The following SHPRH variants were observed in gnomAD, a reference collection of about 807,000 sequenced individuals.
SHPRH encodes E3 ubiquitin-protein ligase SHPRH.
In SHPRH, 106 loss-of-function variants were observed where a neutral mutation model predicts 202.5. The observed-to-expected ratio is 0.52, with a 90% CI of 0.45 to 0.62. The LOEUF is 0.62. SHPRH is among the 20% of genes least tolerant of loss of function. The pLI, the probability that SHPRH is intolerant of heterozygous loss-of-function variation, is 0.00. For synonymous variants in SHPRH, 729 were observed against 686.0 expected (o/e 1.06, Z -0.98); for missense variants, 1,710 against 2,020.0 (o/e 0.85, Z 2.94).
intron 27 of SHPRH, among the ~76,000 whole-genome samples, chr6:145,893,614 A>G (rs1781757112): frequency 6.6e-6 from 1 of 152,188 alleles, no homozygotes; most frequent in Admixed American, 6.6e-5. Context: ...TCTTCGTAAT[A>G]TCTAGAGGAA....
At chr6:145,920,269 T>C (rs1784329584) in intron 21 of SHPRH, among the ~76,000 whole-genome samples, 1 of 152,064 alleles carries the variant, frequency 6.6e-6, no homozygotes, top group East Asian at 1.9e-4. Context: ...GTAAGCTCTC[T>C]TCTGGACAAA....
At chr6:145,940,219 T>G (rs1224723814) in intron 11 of SHPRH, among the ~76,000 whole-genome samples, 2 of 152,088 alleles carry the variant, frequency 1.3e-5, no homozygotes, top group Non-Finnish European at 2.9e-5. Context: ...ATACATATAG[T>G]GTGACATTAT....
At chr6:145,944,752 C>T (rs1274077969) in intron 8 of SHPRH, among the ~76,000 whole-genome samples, 1 of 151,906 alleles carries the variant, frequency 6.6e-6, no homozygotes, top group East Asian at 1.9e-4. Context: ...TAACTATTTT[C>T]CTAAAAGCAA....
rs143107862 is a variant in SHPRH at position 145,925,048 on chromosome 6, A to T, written c.3295-202T>A. ...GAAGTTAACAAAATTTACTTGTCCA[A>T]GTAACAAAATTTCAGAAACACCGAA... On this transcript the variant is annotated intron_variant, in intron 16 of 29. Coordinates refer to ENST00000275233, the MANE Select transcript of SHPRH (RefSeq NM_001042683.3). Among the ~76,000 whole-genome samples, 344 of 152,028 alleles carry T rather than the reference A, an allele frequency of 2.3e-3. 3 individuals carry two copies. The highest frequency in any genetic ancestry group is 7.8e-3 in the African/African-American group (322 of 41,518).
At chr6:145,915,266 G>A (rs911979434) in intron 23 of SHPRH, among the ~76,000 whole-genome samples, 1 of 150,300 alleles carries the variant, frequency 6.7e-6, no homozygotes, top group Non-Finnish European at 1.5e-5. Context: ...TCTTTCCTTT[G>A]TGCTACTGAC....
intron 6 of SHPRH, among the ~76,000 whole-genome samples, chr6:145,947,094 A>C (rs6924714): frequency 6.6e-6 from 1 of 152,040 alleles, no homozygotes; most frequent in African/African-American, 2.4e-5. Flanking sequence ...ACAAAGTTCT[A>C]ATTATTTGGT....
intron 1 of SHPRH, among the ~76,000 whole-genome samples, chr6:145,957,662 C>T (rs1331564168): frequency 1.3e-5 from 2 of 152,142 alleles, no homozygotes; most frequent in East Asian, 3.8e-4. Flanking sequence ...TGAGATGCCA[C>T]TATTCATATA....
In SHPRH at chr6:145,947,605, A is replaced by C. The variant is rs199537644; in HGVS notation, c.1100T>G (p.Leu367Arg). 560 of 1,612,826 alleles carry C rather than the reference A, an allele frequency of 3.5e-4. 3 individuals are homozygous for C. The highest frequency in any genetic ancestry group is 1.3e-3 in the Middle Eastern group (8 of 6,046). The change falls in exon 6 of 30, where the codon CTT becomes CGT. Residue 367 changes from leucine to arginine, a missense_variant. Around this residue, in one of 8 missense-constraint regions of SHPRH, gnomAD observed 459 missense variants for 426.5 expected, o/e 1.08. Transcript: ENST00000275233. ...CATCTCATCTGCTAAAATTCCACCA[A>C]GCAACTGCGGCCCAGAATTTGGGTA... ...REYPNSGPQL[L>R]GGILADEMGL...
chr6:145,880,600 A>G (rs539541282), downstream of SHPRH, among the ~76,000 whole-genome samples: 2 of 151,908 alleles, frequency 1.3e-5, no homozygotes, highest in Admixed American at 6.6e-5. Context: ...ATGCACTCCA[A>G]CGTGGGTAAC....
At position 145,918,236 on chromosome 6, in the gene SHPRH, A is replaced by G; in HGVS notation, c.4153-4T>C. The stretch of plus-strand genomic sequence containing the variant: ...GTTTTATTCGGTTTTGTTCTACCTA[A>G]AGAAAATAAAAATAAAAACTTCTTT... On this transcript the variant is annotated splice_polypyrimidine_tract_variant and splice_region_variant and intron_variant, in intron 22 of 29. Transcript: ENST00000275233. The G allele has an allele frequency of 6.6e-7, 1 of 1,520,376 alleles. No homozygotes were observed. The highest frequency in any genetic ancestry group is 8.8e-7 in the Non-Finnish European group (1 of 1,137,166). 94.2% of individuals were successfully genotyped at this position (1,520,376 alleles called of 1,614,324 possible).
intron 2 of SHPRH, among the ~76,000 whole-genome samples, chr6:145,869,212 G>A (rs539857071): frequency 6.6e-4 from 100 of 152,164 alleles, no homozygotes; most frequent in African/African-American, 2.3e-3. Flanking sequence ...TCTTATTGTT[G>A]AGCTTTAAGT....
chr6:145,952,007 G>A, intron 3 of SHPRH: 2 of 400,760 alleles, frequency 5.0e-6, no homozygotes, highest in South Asian at 1.8e-5. Context: ...AAGGAGAGGT[G>A]GAATAAACGC....
At chr6:145,914,567 C>T (rs1165368465) in intron 23 of SHPRH, among the ~76,000 whole-genome samples, 2 of 151,994 alleles carry the variant, frequency 1.3e-5, no homozygotes, top group Admixed American at 6.6e-5. Context: ...ACTTTACTTA[C>T]GAAAAAAGGC....
chr6:145,954,705 T>C lies in SHPRH; in HGVS notation c.618A>G (p.Gly206=), dbSNP rs1453137561. The C allele has an allele frequency of 6.3e-7, 1 of 1,584,198 alleles. No homozygotes were observed. The part of the protein sequence containing the change: ...RRIKLYQKPE[G]NHIIKVGIYL... ...AACTGAGTACCTTGATAATGTGATTTCCTTCTGGTTTCTGATAGAGTTTTA... is the reference window on the plus strand; with the variant it reads ...AACTGAGTACCTTGATAATGTGATTCCCTTCTGGTTTCTGATAGAGTTTTA... Residue 206 remains glycine (G), a synonymous_variant, in exon 2 of 30, where the codon GGA becomes GGG. Transcript: ENST00000275233.
intron 11 of SHPRH, 92 bp downstream of exon 11, chr6:145,940,631 G>T (rs552587165): frequency 1.7e-6 from 2 of 1,195,198 alleles, no homozygotes; most frequent in Admixed American, 3.8e-5. Context: ...CTTCAATAGG[G>T]ACTGCAGCAA....
At chr6:145,933,261 A>C in intron 13 of SHPRH, 83 bp from the exon 14 acceptor site, 1 of 1,592,830 alleles carries the variant, frequency 6.3e-7, no homozygotes, top group Non-Finnish European at 8.6e-7. Context: ...TCACATGATC[A>C]AGAGTGTATG....
chr6:145,960,969 C>G (rs188870223), intron 1 of SHPRH, among the ~76,000 whole-genome samples: 10 of 151,858 alleles, frequency 6.6e-5, no homozygotes, highest in Admixed American at 5.2e-4. Flanking sequence ...CTAGATCCTG[C>G]GCATATGCAG....
intron 4 of SHPRH, among the ~76,000 whole-genome samples, chr6:145,949,518 C>G (rs542285429): frequency 1.3e-5 from 2 of 152,084 alleles, no homozygotes; most frequent in Middle Eastern, 6.8e-3. Context: ...TTCTTACTTA[C>G]AAGTGTGAGC....
chr6:145,919,251 G>A, intron 22 of SHPRH, 97 bp downstream of exon 22: 2 of 1,491,072 alleles, frequency 1.3e-6, no homozygotes, highest in South Asian at 1.3e-5. Context: ...CACACTTACA[G>A]TAGAGCTCAG....
Sources: gnomAD v4.1 joint callset for allele counts (sites outside exome capture counted in the v4.1 genomes callset) on GRCh38, gnomAD v4.1.1 for gene constraint, gnomAD v4.1.1 regional missense constraint, MANE v1.5 for transcripts, NCBI Gene and HGNC (gene_info 2026-07-23, HGNC 2026-07-21) for gene names.